Variants in CCDC124 observed in about 807,000 individuals in gnomAD.
The protein encoded by CCDC124 is coiled-coil domain-containing protein 124.
Under a neutral mutation model 19.8 loss-of-function variants are expected in CCDC124, and 9 were observed. The ratio of observed to expected loss-of-function variants is 0.45; its 90% confidence interval spans 0.27 to 0.79. The LOEUF (loss-of-function observed/expected upper bound fraction) is 0.79, where lower values mean the gene tolerates loss of function less well. CCDC124 is among the 30% of genes least tolerant of loss of function. CCDC124 has a pLI of 0.14. For synonymous variants in CCDC124, 126 were observed against 131.3 expected (o/e 0.96, Z 0.27); for missense variants, 285 against 319.0 (o/e 0.89, Z 0.81).
intron 1 of CCDC124, 165 bp from the exon 2 acceptor site, chr19:17,936,245 A>T: frequency 1.7e-6 from 1 of 593,144 alleles, no homozygotes; most frequent in Non-Finnish European, 2.9e-6. Context: ...ATTTTGCCTT[A>T]ATAAACTTTT....
At chr19:17,933,937 G>A (rs992307889) in intron 1 of CCDC124, among the ~76,000 whole-genome samples, 2 of 152,210 alleles carry the variant, frequency 1.3e-5, no homozygotes, top group African/African-American at 4.8e-5. Context: ...ATTGAATGAC[G>A]TGTGCAAGTG....
At position 17,942,557 on chromosome 19, in the gene CCDC124, C is replaced by G; in HGVS notation, c.160-99C>G. 7.3e-7 allele frequency: 1 copy of G among 1,370,542 alleles called. No individual in the cohort carries two copies. Among genetic ancestry groups the G allele is most frequent in the South Asian group, 1.4e-5 (1 of 73,434 alleles). 84.9% of individuals were successfully genotyped at this position (1,370,542 alleles called of 1,614,324 possible). On this transcript the variant is annotated intron_variant, in intron 2 of 4. Coordinates refer to ENST00000445755, the MANE Select transcript of CCDC124 (RefSeq NM_001136203.2). The surrounding 1 kb of genome is among the most constrained non-coding windows in gnomAD (Gnocchi z 4.2). ...ATGTCCCCTGCACCCAGCACAGAGC[C>G]TAAATCCTCGTTGGCTGAGATGAAA...
rs2031251863 is a variant in CCDC124, at chr19:17,943,918, C to T, written c.*203C>T. ...TGACACCCCATCCCCTCCCATCCCC[C>T]GGCGCGTGTGTGTAGAGCCTCAGGG... On this transcript the variant is annotated 3_prime_UTR_variant, in exon 5 of 5. Transcript: ENST00000445755. 8.3e-6 allele frequency: 5 copies of T among 603,490 alleles called. No individual in the cohort carries two copies. The highest frequency in any genetic ancestry group is 3.0e-5 in the Admixed American group (1 of 33,876). The allele number at this position is 603,490 out of a possible 1,614,324, so 37.4% of individuals were successfully genotyped here.
chr19:17,942,680 G>C lies in CCDC124; in HGVS notation c.184G>C (p.Asp62His). The change falls in exon 3 of 5, where the codon GAC becomes CAC. Residue 62 changes from aspartate to histidine, a missense_variant. Coordinates refer to ENST00000445755, the MANE Select transcript of CCDC124 (RefSeq NM_001136203.2). This position sits in a 1 kb window ranked among gnomAD's most constrained non-coding sequence, Gnocchi z 4.2. The part of the protein sequence containing the change: ...RKEEKEKRRL[D>H]QLERKKETQR... Reference sequence around the variant, plus strand: ...GGAGGAGAAGGAGAAGCGGCGCCTCGACCAGCTGGAACGTAAGAAGGAGAC... The same window carrying C: ...GGAGGAGAAGGAGAAGCGGCGCCTCCACCAGCTGGAACGTAAGAAGGAGAC... The C allele has an allele frequency of 6.4e-7, 1 of 1,556,142 alleles. No homozygotes were observed. Among genetic ancestry groups the C allele is most frequent in the East Asian group, 2.4e-5 (1 of 42,274 alleles).
Position 17,936,558 on chromosome 19 carries a change from C to T in CCDC124, c.138C>T (p.Val46=). The T allele has an allele frequency of 1.9e-6, 3 of 1,613,306 alleles. No individual in the cohort carries two copies. The highest frequency in any genetic ancestry group is 2.5e-6 in the Non-Finnish European group (3 of 1,179,714). The change falls in exon 2 of 5, where the codon GTC becomes GTT. Residue 46 remains valine, a synonymous_variant. Coordinates refer to ENST00000445755, the MANE Select transcript of CCDC124 (RefSeq NM_001136203.2). ...DAYWKDDDKH[V]MRKEQRKEEK... Reference sequence around the variant, plus strand: ...ACTGGAAGGACGACGACAAACACGTCATGAGGAAGGAGCAGCGCAAGGTGC... The same window carrying T: ...ACTGGAAGGACGACGACAAACACGTTATGAGGAAGGAGCAGCGCAAGGTGC...
At position 17,943,842 on chromosome 19, in the gene CCDC124, T is replaced by A; in HGVS notation, c.*127T>A. On this transcript the variant is annotated 3_prime_UTR_variant, in exon 5 of 5. Transcript: ENST00000445755. ...GCCAAGGCGCCGGGCCCCGGGGCCA[T>A]GCTCTTATCACCAGCCACCCGTCCT... 1 of 894,136 alleles carries A rather than the reference T, an allele frequency of 1.1e-6. No homozygotes were observed. The highest frequency in any genetic ancestry group is 1.7e-6 in the Non-Finnish European group (1 of 584,280). 55.4% of individuals were successfully genotyped at this position (894,136 alleles called of 1,614,324 possible).
chr19:17,940,237 A>G (rs755064446), intron 2 of CCDC124, among the ~76,000 whole-genome samples: 18 of 152,154 alleles, frequency 1.2e-4, no homozygotes, highest in Non-Finnish European at 2.1e-4. Flanking sequence ...ATTAAGGGAC[A>G]GCAAAGCATG....
At chr19:17,935,336 C>T (rs574279680) in intron 1 of CCDC124, 1 of 152,322 alleles carries the variant, frequency 6.6e-6, no homozygotes, top group South Asian at 2.1e-4. Context: ...GGTGATGTGG[C>T]CTCTTTTGGG....
In CCDC124 at chr19:17,942,153, A is replaced by G. The variant is rs2147781549; in HGVS notation, c.160-503A>G. The stretch of plus-strand genomic sequence containing the variant: ...CGTGGACAGTGCTGCCCGACTCATA[A>G]GGGCAGAGCCCCTGCCCTAGCCTGA... On this transcript the variant is annotated intron_variant, in intron 2 of 4. Transcript: ENST00000445755. The surrounding 1 kb of genome is among the most constrained non-coding windows in gnomAD (Gnocchi z 4.2). Among the ~76,000 whole-genome samples, 1 of 152,250 alleles carries G rather than the reference A, an allele frequency of 6.6e-6. No individual in the cohort carries two copies. Among genetic ancestry groups the G allele is most frequent in the Middle Eastern group, 3.4e-3 (1 of 294 alleles).
At position 17,942,583 on chromosome 19, in the gene CCDC124, A is replaced by G. The variant is rs1808225520; in HGVS notation, c.160-73A>G. 6.7e-7 allele frequency: 1 copy of G among 1,498,864 alleles called. No homozygotes were observed. The highest frequency in any genetic ancestry group is 9.0e-7 in the Non-Finnish European group (1 of 1,110,406). 92.8% of individuals were successfully genotyped at this position (1,498,864 alleles called of 1,614,324 possible). On this transcript the variant is annotated intron_variant, in intron 2 of 4. Transcript: ENST00000445755. This position sits in a 1 kb window ranked among gnomAD's most constrained non-coding sequence, Gnocchi z 4.2. ...TAAATCCTCGTTGGCTGAGATGAAA[A>G]CTCGAACCCCAGGCTAGTGGGTGGC...
Position 17,943,773 on chromosome 19 carries a change from C to T in CCDC124, c.*58C>T. The stretch of plus-strand genomic sequence containing the variant: ...GTGGTCCAGGTCACGACTCTGCACG[C>T]CCTTAGGCCAGGTCAGCTGCGAGGG... On this transcript the variant is annotated 3_prime_UTR_variant, in exon 5 of 5. Coordinates refer to ENST00000445755, the MANE Select transcript of CCDC124 (RefSeq NM_001136203.2). 6.5e-7 allele frequency: 1 copy of T among 1,534,474 alleles called. No individual in the cohort carries two copies. The highest frequency in any genetic ancestry group is 8.9e-7 in the Non-Finnish European group (1 of 1,120,178).
rs8104153 is a variant in CCDC124 at position 17,943,323 on chromosome 19, G to C, written c.412G>C (p.Glu138Gln). The C allele has an allele frequency of 3.9e-3, 6,197 of 1,595,908 alleles. 215 individuals are homozygous for C. In the African/African-American group the frequency reaches 0.075, roughly 19 times the overall value. Residue 138 changes from glutamate to glutamine, a missense_variant, in exon 4 of 5, where the codon GAG (glutamate) becomes CAG (glutamine). Coordinates refer to ENST00000445755, the MANE Select transcript of CCDC124 (RefSeq NM_001136203.2). ...GGAGAACGTGAACCGCCGCGTGCTGGAGGAGGGCAGCGTGGAGGCGCGCAC... is the reference window on the plus strand; with the variant it reads ...GGAGAACGTGAACCGCCGCGTGCTGCAGGAGGGCAGCGTGGAGGCGCGCAC... ...LEENVNRRVLEEGSVEARTIE... is the reference protein window; with the variant it reads ...LEENVNRRVLQEGSVEARTIE...
rs754830225 is a variant in CCDC124 at position 17,943,525 on chromosome 19, C to G, written c.482C>G (p.Ala161Gly). 6.2e-7 allele frequency: 1 copy of G among 1,611,548 alleles called. No individual in the cohort carries two copies. The highest frequency in any genetic ancestry group is 1.7e-5 in the Admixed American group (1 of 59,990). ...ACCCCCAGCGTGGCGGAGGAGGCGG[C>G]CGACCGGCACCCAGAAAGACGCATG... ...IAVLSVAEEA[A>G]DRHPERRMRA... Residue 161 changes from alanine to glycine, a missense_variant, in exon 5 of 5, where the codon GCC (alanine) becomes GGC (glycine). Coordinates refer to ENST00000445755, the MANE Select transcript of CCDC124 (RefSeq NM_001136203.2).
chr19:17,934,099 G>C (rs911271243), intron 1 of CCDC124, among the ~76,000 whole-genome samples: 2 of 149,032 alleles, frequency 1.3e-5, no homozygotes, highest in East Asian at 1.9e-4. Flanking sequence ...CGAGGCAAGC[G>C]GATCACTTGA....
At position 17,943,577 on chromosome 19, in the gene CCDC124, A is replaced by G; in HGVS notation, c.534A>G (p.Glu178=). The change falls in exon 5 of 5, where the codon GAA becomes GAG. Residue 178 remains glutamate (E), a synonymous_variant. Coordinates refer to ENST00000445755, the MANE Select transcript of CCDC124 (RefSeq NM_001136203.2). The part of the protein sequence containing the change: ...RMRAAFTAFE[E]AQLPRLKQEN... ...GGGCAGCCTTCACAGCCTTTGAGGA[A>G]GCCCAGCTGCCGCGGCTCAAACAAG... 1 of 1,612,834 alleles carries G rather than the reference A, an allele frequency of 6.2e-7. No individual in the cohort carries two copies. Among genetic ancestry groups the G allele is most frequent in the East Asian group, 2.2e-5 (1 of 44,876 alleles).
chr19:17,941,308 C>T (rs1396051051), intron 2 of CCDC124, among the ~76,000 whole-genome samples: 2 of 151,848 alleles, frequency 1.3e-5, no homozygotes, highest in African/African-American at 2.4e-5. Context: ...GTCAGGAGTT[C>T]GAGACCAGCC....
intron 2 of CCDC124, among the ~76,000 whole-genome samples, chr19:17,938,783 G>A (rs1399963858): frequency 6.6e-6 from 1 of 151,928 alleles, no homozygotes. Flanking sequence ...GTAGGGGGTG[G>A]GGGTCATCTC....
Position 17,943,902 on chromosome 19 carries a change from A to G in CCDC124, c.*187A>G, listed in dbSNP as rs531099506. On this transcript the variant is annotated 3_prime_UTR_variant, in exon 5 of 5. Transcript: ENST00000445755. ...GGGTCCCTGCCCCGAGTGACACCCCATCCCCTCCCATCCCCCGGCGCGTGT... is the reference window on the plus strand; with the variant it reads ...GGGTCCCTGCCCCGAGTGACACCCCGTCCCCTCCCATCCCCCGGCGCGTGT... The G allele has an allele frequency of 3.3e-5, 20 of 606,572 alleles. No homozygotes were observed. Among genetic ancestry groups the G allele is most frequent in the Non-Finnish European group, 5.5e-5 (19 of 343,318 alleles). The allele number at this position is 606,572 out of a possible 1,614,324, so 37.6% of individuals were successfully genotyped here.
chr19:17,933,079 G>C (rs547030941), intron 1 of CCDC124, 31 bp downstream of exon 1: 1 of 152,740 alleles, frequency 6.5e-6, no homozygotes, highest in Non-Finnish European at 1.5e-5. Flanking sequence ...GGCGGAACCC[G>C]GGTTCGGGGA....
Sources: allele counts gnomAD v4.1 joint callset (sites outside exome capture counted in the v4.1 genomes callset), GRCh38; gene constraint gnomAD v4.1.1; non-coding constraint Gnocchi (gnomAD v3.1); transcripts MANE v1.5; gene names NCBI Gene and HGNC (gene_info 2026-07-23, HGNC 2026-07-21).